POU2F3: variants seen among roughly 807,000 people sequenced by gnomAD.
POU2F3 encodes the protein POU class 2 homeobox 3.
In POU2F3, 23 loss-of-function variants were observed where a neutral mutation model predicts 59.2. The ratio of observed to expected loss-of-function variants is 0.39; its 90% CI spans 0.28 to 0.55. POU2F3 has a LOEUF of 0.55. POU2F3 is among the 20% of genes least tolerant of loss of function. The pLI is 0.66. For missense variants in POU2F3, 473 were observed against 544.5 expected, an observed-to-expected ratio of 0.87 and a Z score of 1.31; for synonymous variants, 190 against 214.6, an observed-to-expected ratio of 0.89 and a Z score of 1.00.
At position 120,305,794 on chromosome 11, in the gene POU2F3, C is replaced by T. The variant is rs777264982; in HGVS notation, c.769+9C>T. On this transcript the variant is annotated intron_variant, in intron 8 of 12. Coordinates refer to ENST00000543440, the MANE Select transcript of POU2F3 (RefSeq NM_014352.4). The stretch of plus-strand genomic sequence containing the variant: ...GTGGCTGAATGATGCAGGTAGGCCT[C>T]GCAAACACGGATGCCAGGGGCCCTA... 9 of 1,612,852 alleles carry T rather than the reference C, an allele frequency of 5.6e-6. No homozygotes were observed. Among genetic ancestry groups the T allele is most frequent in the South Asian group, 3.3e-5 (3 of 91,014 alleles).
chr11:120,252,893 T>C (rs1260008734), intron 2 of POU2F3, among the ~76,000 whole-genome samples: 1 of 152,084 alleles, frequency 6.6e-6, no homozygotes, highest in Non-Finnish European at 1.5e-5. Flanking sequence ...CTTAAGGAAA[T>C]GGTCACCCCT....
chr11:120,275,093 G>C (rs1251287520), intron 3 of POU2F3, among the ~76,000 whole-genome samples: 1 of 152,210 alleles, frequency 6.6e-6, no homozygotes, highest in African/African-American at 2.4e-5. Flanking sequence ...AGGAGTCAAG[G>C]AAATGATGGA....
intron 9 of POU2F3, 125 bp from the exon 10 acceptor site, chr11:120,309,300 T>A: frequency 1.0e-6 from 1 of 997,910 alleles, no homozygotes; most frequent in Non-Finnish European, 1.5e-6. Flanking sequence ...AAGCCAGTAT[T>A]TCATCCTAGG....
intron 3 of POU2F3, among the ~76,000 whole-genome samples, chr11:120,280,985 G>A (rs761927924): frequency 2.6e-5 from 4 of 152,166 alleles, no homozygotes; most frequent in Non-Finnish European, 5.9e-5. Flanking sequence ...GGGAGGGGGC[G>A]GGCCCTGGCT....
At chr11:120,275,917 C>T (rs1036717496) in intron 3 of POU2F3, among the ~76,000 whole-genome samples, 23 of 152,226 alleles carry the variant, frequency 1.5e-4, no homozygotes, top group African/African-American at 4.1e-4. Context: ...CCAACTACCA[C>T]GGTTCTCTAG....
rs183844505 is a variant in POU2F3 at position 120,246,267 on chromosome 11, G to A, written c.29-182G>A. Among the ~76,000 whole-genome samples, 251 of 152,242 alleles carry A rather than the reference G, an allele frequency of 1.6e-3. 1 individual carries two copies. Among genetic ancestry groups the A allele is most frequent in the Admixed American group, 2.9e-3 (45 of 15,294 alleles). ...CAAGGAGAGGAGGCGAGCATGGGAG[G>A]AGGGGATCCGTGCCCTCAAGCTTAT... On this transcript the variant is annotated intron_variant, in intron 1 of 12. Coordinates refer to ENST00000543440, the MANE Select transcript of POU2F3 (RefSeq NM_014352.4).
chr11:120,265,167 A>T (rs1309411697), intron 2 of POU2F3, among the ~76,000 whole-genome samples: 3 of 152,198 alleles, frequency 2.0e-5, no homozygotes, highest in Non-Finnish European at 4.4e-5. Context: ...CAGTAAAATG[A>T]GGGCTGCGGT....
chr11:120,261,183 T>TGTGTGTGTGTGTGC (rs1939587480), intron 2 of POU2F3: 1 of 151,400 alleles, frequency 6.6e-6, no homozygotes, highest in East Asian at 1.9e-4. Flanking sequence ...TGTGTGTGTG[T>TGTGTGTGTGTGTGC]GTGTGTGTGT....
At chr11:120,238,827 T>TAAAA (rs56948018), upstream of POU2F3, among the ~76,000 whole-genome samples, 47 of 48,356 alleles carry the variant, frequency 9.7e-4, no homozygotes, top group African/African-American at 2.0e-3. Flanking sequence ...AGACTCTGTC[T>TAAAA]AAAAAAAAAA....
chr11:120,303,088 G>C (rs1941393208), intron 6 of POU2F3: 1 of 152,252 alleles, frequency 6.6e-6, no homozygotes, highest in African/African-American at 2.4e-5. Context: ...CAGATGGTTG[G>C]GCAGAATGGT....
chr11:120,245,298 G>T (rs956608092), intron 1 of POU2F3, among the ~76,000 whole-genome samples: 1 of 152,112 alleles, frequency 6.6e-6, no homozygotes, highest in Admixed American at 6.6e-5. Context: ...TGGGGCACAG[G>T]TCTACCCTTT....
chr11:120,302,134 A>T, intron 5 of POU2F3, 152 bp from the exon 6 acceptor site: 1 of 629,510 alleles, frequency 1.6e-6, no homozygotes, highest in South Asian at 2.0e-5. Flanking sequence ...CAGTGCTAGG[A>T]GGGCCTCTCC....
At chr11:120,265,464 T>C (rs990565843) in intron 2 of POU2F3, 1 of 152,238 alleles carries the variant, frequency 6.6e-6, no homozygotes, top group South Asian at 2.1e-4. Context: ...AAATGAGAGA[T>C]ACCACAGCAG....
At chr11:120,298,460 T>A in intron 4 of POU2F3, 70 bp downstream of exon 4, 2 of 1,588,096 alleles carry the variant, frequency 1.3e-6, no homozygotes, top group Non-Finnish European at 1.7e-6. Flanking sequence ...TCGACTTCCA[T>A]GCTTGGTACT....
Position 120,318,464 on chromosome 11 carries a change from TACAG to T in POU2F3, c.*78_*81del. ...AAGGAAGGGAATCATGCCTTCTATATACAGACAGATTGCCTTCAGAAGAGTGGAA... is the reference window on the plus strand; with the variant it reads ...AAGGAAGGGAATCATGCCTTCTATATACAGATTGCCTTCAGAAGAGTGGAA... On this transcript the variant is annotated 3_prime_UTR_variant, in exon 13 of 13. Coordinates refer to ENST00000543440, the MANE Select transcript of POU2F3 (RefSeq NM_014352.4). 7.1e-7 allele frequency: 1 copy of T among 1,414,646 alleles called. No individual in the cohort carries two copies. Among genetic ancestry groups the T allele is most frequent in the Non-Finnish European group, 1.0e-6 (1 of 1,000,046 alleles). 87.6% of individuals were successfully genotyped at this position (1,414,646 alleles called of 1,614,324 possible).
chr11:120,302,271 T>C lies in POU2F3; in HGVS notation c.362-15T>C, dbSNP rs1565384473. On this transcript the variant is annotated splice_polypyrimidine_tract_variant and intron_variant, in intron 5 of 12. Coordinates refer to ENST00000543440, the MANE Select transcript of POU2F3 (RefSeq NM_014352.4). ...TTTTATTTGTCTGTTCCTTTGTCCC[T>C]CCCCTTTCACCCAGGTCTGCAGCCA... 6.3e-7 allele frequency: 1 copy of C among 1,580,622 alleles called. No individual in the cohort carries two copies.
chr11:120,275,689 G>A (rs915397684), intron 3 of POU2F3, among the ~76,000 whole-genome samples: 12 of 152,096 alleles, frequency 7.9e-5, no homozygotes, highest in African/African-American at 2.7e-4. Flanking sequence ...CTTGTCCCAC[G>A]TTTCCTGCCC....
At chr11:120,286,596 C>G (rs962874042) in intron 3 of POU2F3, among the ~76,000 whole-genome samples, 2 of 152,178 alleles carry the variant, frequency 1.3e-5, no homozygotes, top group East Asian at 3.9e-4. Context: ...TTCAGATACT[C>G]TACTTCTGTT....
At chr11:120,314,659 C>T (rs1381310379) in intron 10 of POU2F3, among the ~76,000 whole-genome samples, 1 of 152,188 alleles carries the variant, frequency 6.6e-6, no homozygotes, top group African/African-American at 2.4e-5. Flanking sequence ...CTGTTGGGCT[C>T]CAAAGTCTAT....
Sources: allele counts gnomAD v4.1 joint callset (sites outside exome capture counted in the v4.1 genomes callset), GRCh38; gene constraint gnomAD v4.1.1; transcripts MANE v1.5; gene names NCBI Gene and HGNC (gene_info 2026-07-23, HGNC 2026-07-21).